RGS18: variants seen among roughly 807,000 people sequenced by gnomAD.
The protein encoded by RGS18 is regulator of G protein signaling 18.
Under a neutral mutation model 27.6 loss-of-function variants are expected in RGS18, and 22 were observed. That is an observed-to-expected ratio of 0.80 (90% CI 0.57 to 1.14). The LOEUF is 1.14. Among genes scored for constraint, RGS18 ranks in the 50% most tolerant of loss-of-function variants. The probability of loss-of-function intolerance (pLI) is 0.00; values close to 1 mark genes in which losing one functional copy is unlikely to be tolerated. For missense variants in RGS18, 299 were observed against 269.6 expected (o/e 1.11, Z -0.76); for synonymous variants, 89 against 84.6 (o/e 1.05, Z -0.29).
intron 3 of RGS18, among the ~76,000 whole-genome samples, chr1:192,179,855 C>T (rs1454632335): frequency 6.6e-6 from 1 of 151,490 alleles, no homozygotes; most frequent in Non-Finnish European, 1.5e-5. Flanking sequence ...ACATGTGTTA[C>T]ACTTGTAACT....
Position 192,181,294 on chromosome 1 carries a change from G to A in RGS18, c.286G>A (p.Gly96Arg). 8.3e-6 allele frequency: 12 copies of A among 1,443,690 alleles called. No individual in the cohort carries two copies. Among genetic ancestry groups the A allele is most frequent in the Non-Finnish European group, 1.1e-5 (12 of 1,063,800 alleles). 89.4% of individuals were successfully genotyped at this position (1,443,690 alleles called of 1,614,324 possible). A position where few individuals can be genotyped will look rare whatever the true frequency, so the allele number is the denominator to read the frequency against. ...TATATTATTTATTTTCTTGATAGAT[G>A]GACTAGAGGCTTTTACCAGATTTCT... ...SFDKLLSHRDGLEAFTRFLKT... is the reference protein window; with the variant it reads ...SFDKLLSHRDRLEAFTRFLKT... Residue 96 changes from glycine (G) to arginine (R), a missense_variant and splice_region_variant, in exon 4 of 5, where the codon GGA becomes AGA. Gly to Arg is a moderately radical substitution (Grantham distance 125, BLOSUM62 -2). Coordinates refer to ENST00000367460, the MANE Select transcript of RGS18 (RefSeq NM_130782.3).
At chr1:192,181,944 T>C (rs1292124662) in intron 4 of RGS18, among the ~76,000 whole-genome samples, 1 of 151,640 alleles carries the variant, frequency 6.6e-6, no homozygotes, top group African/African-American at 2.4e-5. Context: ...TCAGATCATG[T>C]AGTATTTATT....
At chr1:192,163,873 T>A (rs75423010) in intron 3 of RGS18, among the ~76,000 whole-genome samples, 1,701 of 73,068 alleles carry the variant, frequency 0.023, 20 homozygotes, top group South Asian at 0.079. Flanking sequence ...ATATATATTT[T>A]TTTTTTTTCT....
chr1:192,168,981 T>C (rs1274502258), intron 3 of RGS18: 1 of 152,196 alleles, frequency 6.6e-6, no homozygotes, highest in Middle Eastern at 3.2e-3. Context: ...CATACAGCAA[T>C]GTGCTAAGAC....
rs143336264 is a variant in RGS18, at chr1:192,164,454, T to C, written c.283+4015T>C. ...AATCAAATGATTCAGGGAGGTGTTC[T>C]GATAATTCTATTTTATTCTAATTTT... On this transcript the variant is annotated intron_variant, in intron 3 of 4. Coordinates refer to ENST00000367460, the MANE Select transcript of RGS18 (RefSeq NM_130782.3). Among the ~76,000 whole-genome samples, 29 of 152,304 alleles carry C rather than the reference T, an allele frequency of 1.9e-4. No homozygotes were observed. In the East Asian group the frequency reaches 4.4e-3, roughly 23 times the overall value.
chr1:192,171,004 G>A (rs1156916754), intron 3 of RGS18, among the ~76,000 whole-genome samples: 2 of 152,062 alleles, frequency 1.3e-5, no homozygotes, highest in African/African-American at 4.8e-5. Flanking sequence ...TAATCCCTAT[G>A]GGTGCTTATG....
chr1:192,167,427 T>A (rs1656181076), intron 3 of RGS18, among the ~76,000 whole-genome samples: 1 of 140,308 alleles, frequency 7.1e-6, no homozygotes, highest in Non-Finnish European at 1.5e-5. Context: ...AGCACTCAAC[T>A]TTTTTTTTTT....
chr1:192,184,374 A>G lies in RGS18; in HGVS notation c.528A>G (p.Ala176=). ...CTACCCTCCACAGTTTTGATGCTGC[A>G]CAAAGCAGAGTGTATCAGCTCATGG... ...TQPTLHSFDA[A]QSRVYQLMEQ... Residue 176 remains alanine, a synonymous_variant, in exon 5 of 5, where the codon GCA becomes GCG. Coordinates refer to ENST00000367460, the MANE Select transcript of RGS18 (RefSeq NM_130782.3). 6.2e-7 allele frequency: 1 copy of G among 1,611,856 alleles called. No individual in the cohort carries two copies. The highest frequency in any genetic ancestry group is 8.5e-7 in the Non-Finnish European group (1 of 1,178,596).
intron 3 of RGS18, among the ~76,000 whole-genome samples, chr1:192,170,182 T>C (rs1196656893): frequency 6.6e-6 from 1 of 152,128 alleles, no homozygotes. Flanking sequence ...TATATTTCAA[T>C]TACAATGTAG....
At chr1:192,166,248 T>G (rs1656161257) in intron 3 of RGS18, among the ~76,000 whole-genome samples, 1 of 152,150 alleles carries the variant, frequency 6.6e-6, no homozygotes, top group South Asian at 2.1e-4. Context: ...TTTAAAATAT[T>G]ATATAGAACT....
At chr1:192,171,425 A>C (rs1035820722) in intron 3 of RGS18, among the ~76,000 whole-genome samples, 1 of 152,114 alleles carries the variant, frequency 6.6e-6, no homozygotes. Context: ...GTTGCTTGTC[A>C]GTTTTACAAT....
chr1:192,160,477 T>G, intron 3 of RGS18, 38 bp downstream of exon 3: 1 of 1,458,016 alleles, frequency 6.9e-7, no homozygotes, highest in Middle Eastern at 1.7e-4. Context: ...GTGTGCTTAA[T>G]GGAAAATTAC....
chr1:192,167,262 TG>T (rs1458571387), intron 3 of RGS18, among the ~76,000 whole-genome samples: 3 of 152,248 alleles, frequency 2.0e-5, no homozygotes, highest in African/African-American at 7.2e-5. Flanking sequence ...ACTTCACTTT[TG>T]GGGGAGGAAA....
intron 3 of RGS18, among the ~76,000 whole-genome samples, chr1:192,170,398 C>G (rs1278823040): frequency 6.6e-6 from 1 of 152,048 alleles, no homozygotes; most frequent in Non-Finnish European, 1.5e-5. Flanking sequence ...TTACAAAAGC[C>G]AGAGACCTGC....
chr1:192,162,579 A>G (rs1334332047), intron 3 of RGS18, among the ~76,000 whole-genome samples: 2 of 152,210 alleles, frequency 1.3e-5, no homozygotes, highest in Admixed American at 1.3e-4. Flanking sequence ...CATCATGCCC[A>G]GCCCCAGTAT....
At chr1:192,179,806 T>A (rs1409822914) in intron 3 of RGS18, among the ~76,000 whole-genome samples, 3 of 151,556 alleles carry the variant, frequency 2.0e-5, no homozygotes, top group Non-Finnish European at 4.4e-5. Context: ...TTAAAAAAAA[T>A]TACATGTGGG....
Position 192,159,214 on chromosome 1 carries a change from T to A in RGS18, c.120-6T>A. 2 of 1,601,966 alleles carry A rather than the reference T, an allele frequency of 1.2e-6. No homozygotes were observed. The highest frequency in any genetic ancestry group is 2.2e-5 in the South Asian group (2 of 90,624). On this transcript the variant is annotated splice_region_variant and splice_polypyrimidine_tract_variant and intron_variant, in intron 1 of 4. Transcript: ENST00000367460. The stretch of plus-strand genomic sequence containing the variant: ...TTGTCCTGACATGAAGGCCTTTTTA[T>A]TACAGAGCTAAGGAAAAAAGAAATA...
intron 3 of RGS18, among the ~76,000 whole-genome samples, chr1:192,166,808 T>C (rs1338641149): frequency 1.3e-5 from 2 of 152,182 alleles, no homozygotes; most frequent in African/African-American, 4.8e-5. Context: ...TTTTTGTCCA[T>C]GGTAAACCTT....
chr1:192,163,346 G>A (rs1160715190), intron 3 of RGS18: 1 of 151,982 alleles, frequency 6.6e-6, no homozygotes, highest in Non-Finnish European at 1.5e-5. Context: ...CATATAGACA[G>A]GATTTCTTTC....
Sources: gnomAD v4.1 joint callset for allele counts (sites outside exome capture counted in the v4.1 genomes callset) on GRCh38, gnomAD v4.1.1 for gene constraint, MANE v1.5 for transcripts, NCBI Gene and HGNC (gene_info 2026-07-23, HGNC 2026-07-21) for gene names.